The following SDK1 variants were observed in gnomAD, a reference collection of about 807,000 sequenced individuals.
SDK1 encodes sidekick cell adhesion molecule 1.
In SDK1, 157 loss-of-function variants were observed where a neutral mutation model predicts 245.5. The ratio of observed to expected loss-of-function variants is 0.64; its 90% CI spans 0.56 to 0.73. SDK1 has a LOEUF of 0.73. Among genes scored for constraint, SDK1 ranks in the 30% least tolerant of loss-of-function variants. SDK1 has a pLI of 0.00. For synonymous variants in SDK1, 1,647 were observed against 1,278.5 expected (o/e 1.29, Z -6.15); for missense variants, 3,583 against 3,002.3 (o/e 1.19, Z -4.52).
chr7:3,495,778 C>G (rs1437367506), intron 1 of SDK1, among the ~76,000 whole-genome samples: 1 of 152,230 alleles, frequency 6.6e-6, no homozygotes, highest in Non-Finnish European at 1.5e-5. Flanking sequence ...CTCGTGGACC[C>G]AGTTCTACCA....
chr7:3,629,850 A>C lies in SDK1; in HGVS notation c.459-9154A>C, dbSNP rs555599184. Among the ~76,000 whole-genome samples, 5 of 152,364 alleles carry C rather than the reference A, an allele frequency of 3.3e-5. No individual in the cohort carries two copies. The South Asian group carries it at 1.0e-3, about 32-fold the overall frequency. Reference sequence around the variant, plus strand: ...GGAGAGAAATCAGTTGATTGAAACCAAGCCAGAACTGACACAGTTATTAGA... The same window carrying C: ...GGAGAGAAATCAGTTGATTGAAACCCAGCCAGAACTGACACAGTTATTAGA... On this transcript the variant is annotated intron_variant, in intron 2 of 44. Transcript: ENST00000404826.
In SDK1 at chr7:4,012,114, C is replaced by A. The variant is rs772496347; in HGVS notation, c.2299C>A (p.Pro767Thr). ...TTATAGGTTGATGCTACCTGAAGAA[C>A]CACCCAGTGCTCCCCCGAAAAATAT... ...ETSRLMLPEE[P>T]PSAPPKNIVA... Residue 767 changes from proline (P) to threonine (T), a missense_variant, in exon 16 of 45, where the codon CCA becomes ACA. Pro to Thr is a conservative substitution (Grantham distance 38). Coordinates refer to ENST00000404826, the MANE Select transcript of SDK1 (RefSeq NM_152744.4). The A allele has an allele frequency of 1.3e-6, 2 of 1,559,258 alleles. No homozygotes were observed. The highest frequency in any genetic ancestry group is 2.4e-5 in the South Asian group (2 of 82,218).
chr7:3,408,923 A>T (rs185782285), intron 1 of SDK1, among the ~76,000 whole-genome samples: 101 of 152,288 alleles, frequency 6.6e-4, no homozygotes, highest in African/African-American at 2.3e-3. Flanking sequence ...AACAATGCTG[A>T]TGTACAGTTC....
At chr7:3,880,027 A>G (rs144080348) in intron 5 of SDK1, among the ~76,000 whole-genome samples, 2,031 of 152,188 alleles carry the variant, frequency 0.013, 23 homozygotes, top group Middle Eastern at 0.027. Context: ...TTTCCCTTCT[A>G]TTCTGCTGCT....
chr7:3,421,657 G>T (rs1020924674), intron 1 of SDK1, among the ~76,000 whole-genome samples: 1 of 152,204 alleles, frequency 6.6e-6, no homozygotes, highest in African/African-American at 2.4e-5. Context: ...TCTACAGCTA[G>T]AGAGTATCTC....
intron 4 of SDK1, among the ~76,000 whole-genome samples, chr7:3,696,808 T>C (rs1474984601): frequency 1.3e-5 from 2 of 152,094 alleles, no homozygotes; most frequent in African/African-American, 4.8e-5. Flanking sequence ...AAAATGTAAT[T>C]ATAACAAAGC....
chr7:4,019,208 G>A (rs1786670052), intron 17 of SDK1, among the ~76,000 whole-genome samples: 1 of 152,174 alleles, frequency 6.6e-6, no homozygotes, highest in Admixed American at 6.5e-5. Flanking sequence ...ATACAGCAGG[G>A]CAAGTTTCAT....
chr7:3,683,444 C>T (rs1784171138), intron 4 of SDK1, among the ~76,000 whole-genome samples: 2 of 152,176 alleles, frequency 1.3e-5, no homozygotes, highest in South Asian at 2.1e-4. Flanking sequence ...TGTGAGAATA[C>T]TCATCAGAGG....
chr7:4,250,535 G>C (rs1028358403), intron 44 of SDK1, among the ~76,000 whole-genome samples: 1 of 152,112 alleles, frequency 6.6e-6, no homozygotes, highest in Non-Finnish European at 1.5e-5. Context: ...ATTAGAGACA[G>C]GGTTTTGCCA....
At chr7:4,178,005 AG>A (rs1190832851) in intron 34 of SDK1, among the ~76,000 whole-genome samples, 2 of 142,428 alleles carry the variant, frequency 1.4e-5, no homozygotes, top group African/African-American at 5.0e-5. Flanking sequence ...TCGCACGCGC[AG>A]TTCCCAATAG....
intron 35 of SDK1, chr7:4,179,392 T>C (rs1373764597): frequency 2.3e-5 from 3 of 133,152 alleles, no homozygotes; most frequent in African/African-American, 8.5e-5. Context: ...GTGGGGAGGG[T>C]GAGATGGGGG....
At chr7:3,705,485 T>C (rs1361283492) in intron 4 of SDK1, among the ~76,000 whole-genome samples, 2 of 144,510 alleles carry the variant, frequency 1.4e-5, no homozygotes, top group Non-Finnish European at 3.0e-5. Flanking sequence ...TATTTTATTT[T>C]ATTTTATTTT....
intron 4 of SDK1, among the ~76,000 whole-genome samples, chr7:3,665,132 G>T (rs537875889): frequency 6.6e-6 from 1 of 152,146 alleles, no homozygotes; most frequent in African/African-American, 2.4e-5. Flanking sequence ...AAACCTCGTA[G>T]ATGGGCCCTT....
At chr7:3,667,436 A>T (rs988411857) in intron 4 of SDK1, among the ~76,000 whole-genome samples, 1 of 152,148 alleles carries the variant, frequency 6.6e-6, no homozygotes, top group East Asian at 1.9e-4. Flanking sequence ...ATTCAGAGGG[A>T]ATATCTTTTT....
intron 1 of SDK1, among the ~76,000 whole-genome samples, chr7:3,305,161 A>G (rs1186028670): frequency 3.3e-5 from 5 of 152,146 alleles, no homozygotes; most frequent in African/African-American, 1.2e-4. Context: ...TGTATCGTTT[A>G]TTCCTACTGA....
At chr7:3,795,067 G>A (rs1016228678) in intron 4 of SDK1, among the ~76,000 whole-genome samples, 1 of 152,130 alleles carries the variant, frequency 6.6e-6, no homozygotes, top group South Asian at 2.1e-4. Flanking sequence ...GCAAGGCATC[G>A]TTCTTCCTGT....
At chr7:4,194,374 ATGTATGTG>A (rs1562416036) in intron 35 of SDK1, among the ~76,000 whole-genome samples, 9 of 101,640 alleles carry the variant, frequency 8.9e-5, no homozygotes, top group African/African-American at 2.9e-4. Flanking sequence ...ATGTGTATAC[ATGTATGTG>A]TATACATGTA....
chr7:3,578,374 G>A (rs976190587), intron 1 of SDK1, among the ~76,000 whole-genome samples: 4 of 152,026 alleles, frequency 2.6e-5, no homozygotes, highest in Admixed American at 1.3e-4. Flanking sequence ...GTGCTTCTGC[G>A]GAAACAGGAC....
chr7:3,733,023 G>T (rs183270293), intron 4 of SDK1, among the ~76,000 whole-genome samples: 1 of 152,182 alleles, frequency 6.6e-6, no homozygotes, highest in Non-Finnish European at 1.5e-5. Context: ...TTGTCTACAC[G>T]TTGACAAGTG....
Sources: allele counts gnomAD v4.1 joint callset (sites outside exome capture counted in the v4.1 genomes callset), GRCh38; gene constraint gnomAD v4.1.1; transcripts MANE v1.5; gene names NCBI Gene and HGNC (gene_info 2026-07-23, HGNC 2026-07-21).